EPAS1: variants seen among roughly 807,000 people sequenced by gnomAD.
EPAS1 encodes the protein endothelial PAS domain protein 1, also known as endothelial PAS domain-containing protein 1.
EPAS1 carries 23 observed loss-of-function variants against 87.9 expected under a neutral mutation model. The ratio of observed to expected loss-of-function variants is 0.26; its 90% CI spans 0.19 to 0.37. The LOEUF (loss-of-function observed/expected upper bound fraction) is 0.37, where lower values mean the gene tolerates loss of function less well. Among genes scored for constraint, EPAS1 ranks in the 10% least tolerant of loss-of-function variants. The pLI, the probability that EPAS1 is intolerant of heterozygous loss-of-function variation, is 1.00. For missense variants in EPAS1, 1,138 were observed against 1,120.7 expected (o/e 1.02, Z -0.22); for synonymous variants, 508 against 444.3 (o/e 1.14, Z -1.80).
Position 46,385,808 on chromosome 2 carries a change from C to T in EPAS1, c.*1148C>T, listed in dbSNP as rs1457640855. ...GGTTTTGTTGCTAGCCCTTCAAGTGCACTGAGCTATGTGACTCGGATGGTC... is the reference window on the plus strand; with the variant it reads ...GGTTTTGTTGCTAGCCCTTCAAGTGTACTGAGCTATGTGACTCGGATGGTC... On this transcript the variant is annotated 3_prime_UTR_variant, in exon 16 of 16. Transcript: ENST00000263734. 1 of 152,228 alleles carries T rather than the reference C, an allele frequency of 6.6e-6. No individual in the cohort carries two copies. Among genetic ancestry groups the T allele is most frequent in the Non-Finnish European group, 1.5e-5 (1 of 68,052 alleles). The allele number at this position is 152,228 out of a possible 1,614,324, so 9.4% of individuals were successfully genotyped here.
chr2:46,332,307 TGTGTG>T (rs1558590680), intron 1 of EPAS1, among the ~76,000 whole-genome samples: 75 of 124,492 alleles, frequency 6.0e-4, no homozygotes, highest in African/African-American at 2.5e-3. Context: ...TGTGTGTGTG[TGTGTG>T]TGTGTGTGTG....
Position 46,382,000 on chromosome 2 carries a change from C to T in EPAS1, c.2198C>T (p.Ser733Leu). Reference protein sequence around the residue: ...SGGDPPGGSTSHLMWKRMKNL... With the variant: ...SGGDPPGGSTLHLMWKRMKNL... ...GGGGACCCACCTGGTGGCAGCACCTCACATTTGATGTGGAAACGGATGAAG... is the reference window on the plus strand; with the variant it reads ...GGGGACCCACCTGGTGGCAGCACCTTACATTTGATGTGGAAACGGATGAAG... The change falls in exon 14 of 16, where the codon TCA becomes TTA. Residue 733 changes from serine (S) to leucine (L), a missense_variant. Coordinates refer to ENST00000263734, the MANE Select transcript of EPAS1 (RefSeq NM_001430.5). The T allele has an allele frequency of 6.2e-7, 1 of 1,614,040 alleles. No individual in the cohort carries two copies. The highest frequency in any genetic ancestry group is 8.5e-7 in the Non-Finnish European group (1 of 1,179,962).
chr2:46,372,457 T>C (rs1684646788), intron 7 of EPAS1, among the ~76,000 whole-genome samples: 1 of 152,238 alleles, frequency 6.6e-6, no homozygotes, highest in Non-Finnish European at 1.5e-5. Flanking sequence ...TCTTAGCCTG[T>C]AAAGGTTTAC....
intron 1 of EPAS1, among the ~76,000 whole-genome samples, chr2:46,337,973 T>G (rs1683829859): frequency 6.6e-6 from 1 of 152,196 alleles, no homozygotes. Context: ...GTGTCTCACT[T>G]TGCTGCTTCC....
chr2:46,318,201 C>CACAA (rs1470793564), intron 1 of EPAS1, among the ~76,000 whole-genome samples: 5 of 148,162 alleles, frequency 3.4e-5, no homozygotes, highest in African/African-American at 1.0e-4. Context: ...CACACACAAA[C>CACAA]ACACACACGC....
Position 46,384,771 on chromosome 2 carries a change from A to G in EPAS1, c.*111A>G, listed in dbSNP as rs62137032. The G allele has an allele frequency of 9.9e-3, 14,191 of 1,438,444 alleles. 94 individuals are homozygous for G. The highest frequency in any genetic ancestry group is 0.016 in the Middle Eastern group (70 of 4,346). The allele number at this position is 1,438,444 out of a possible 1,614,324, so 89.1% of individuals were successfully genotyped here. On this transcript the variant is annotated 3_prime_UTR_variant, in exon 16 of 16. Coordinates refer to ENST00000263734, the MANE Select transcript of EPAS1 (RefSeq NM_001430.5). ...CTAACGCCAGCACACTATTTACAAG[A>G]TGGACTTACCTGGCAGACTTGCCCA...
intron 1 of EPAS1, among the ~76,000 whole-genome samples, chr2:46,314,343 A>C (rs548575326): frequency 6.6e-6 from 1 of 152,282 alleles, no homozygotes; most frequent in African/African-American, 2.4e-5. Context: ...CACTCTCTAC[A>C]TGGCTGGCTC....
chr2:46,365,157 C>G (rs898869580), intron 6 of EPAS1, among the ~76,000 whole-genome samples: 4 of 152,074 alleles, frequency 2.6e-5, no homozygotes, highest in African/African-American at 9.7e-5. Flanking sequence ...AATCCCACTG[C>G]GATTTTGTCA....
chr2:46,337,601 T>C (rs939790240), intron 1 of EPAS1, among the ~76,000 whole-genome samples: 3 of 152,090 alleles, frequency 2.0e-5, no homozygotes, highest in Non-Finnish European at 2.9e-5. Context: ...GGCAGTGTTG[T>C]AGGAACAGGA....
At chr2:46,299,229 G>C (rs1012544041) in intron 1 of EPAS1, among the ~76,000 whole-genome samples, 1 of 152,254 alleles carries the variant, frequency 6.6e-6, no homozygotes, top group African/African-American at 2.4e-5. Context: ...GCACCGATAA[G>C]GATTTGATAA....
chr2:46,373,519 G>C (rs529155194), intron 7 of EPAS1, among the ~76,000 whole-genome samples: 4 of 152,298 alleles, frequency 2.6e-5, no homozygotes, highest in Non-Finnish European at 5.9e-5. Context: ...AGAGAAGCCA[G>C]ACACAAGAGT....
At chr2:46,335,514 C>T (rs928837210) in intron 1 of EPAS1, among the ~76,000 whole-genome samples, 19 of 151,760 alleles carry the variant, frequency 1.3e-4, no homozygotes, top group Non-Finnish European at 2.2e-4. Context: ...TCTGTTTTCT[C>T]ATGACACAGT....
At chr2:46,303,638 A>AG (rs779204863) in intron 1 of EPAS1, among the ~76,000 whole-genome samples, 1 of 152,208 alleles carries the variant, frequency 6.6e-6, no homozygotes, top group Non-Finnish European at 1.5e-5. Context: ...TGGGTTTCAG[A>AG]GGCTGGCGTG....
chr2:46,364,231 A>G (rs974102052), intron 6 of EPAS1, among the ~76,000 whole-genome samples: 1 of 152,254 alleles, frequency 6.6e-6, no homozygotes, highest in South Asian at 2.1e-4. Flanking sequence ...CATCTGAGAC[A>G]CACAAGGTGC....
At chr2:46,328,830 C>T (rs1422735606) in intron 1 of EPAS1, among the ~76,000 whole-genome samples, 2 of 152,360 alleles carry the variant, frequency 1.3e-5, no homozygotes, top group East Asian at 3.9e-4. Flanking sequence ...ATGTTCAGAA[C>T]ACAAGTCTGC....
intron 1 of EPAS1, among the ~76,000 whole-genome samples, chr2:46,330,761 A>C (rs755942009): frequency 6.6e-6 from 1 of 152,220 alleles, no homozygotes; most frequent in Non-Finnish European, 1.5e-5. Context: ...GATGGTCCCA[A>C]GCATTGTTCT....
chr2:46,382,468 G>T lies in EPAS1; in HGVS notation c.2331G>T (p.Leu777=). The change falls in exon 15 of 16, where the codon CTG becomes CTT. Residue 777 remains leucine, a synonymous_variant. Coordinates refer to ENST00000263734, the MANE Select transcript of EPAS1 (RefSeq NM_001430.5). Reference sequence around the variant, plus strand: ...CCATGAGGGGCCTGGGCCATCCCCTGAGACATCTGCCGCTGCCACAGCCTC... The same window carrying T: ...CCATGAGGGGCCTGGGCCATCCCCTTAGACATCTGCCGCTGCCACAGCCTC... ...QNPMRGLGHP[L]RHLPLPQPPS... 6.2e-7 allele frequency: 1 copy of T among 1,614,140 alleles called. No individual in the cohort carries two copies. The highest frequency in any genetic ancestry group is 1.1e-5 in the South Asian group (1 of 91,084).
intron 1 of EPAS1, among the ~76,000 whole-genome samples, chr2:46,303,971 C>T (rs1177573802): frequency 2.0e-5 from 3 of 152,146 alleles, no homozygotes; most frequent in Admixed American, 6.5e-5. Flanking sequence ...ACATGTCTGC[C>T]CTCAGTCTTG....
At chr2:46,372,097 T>G (rs905557485) in intron 7 of EPAS1, among the ~76,000 whole-genome samples, 1 of 152,210 alleles carries the variant, frequency 6.6e-6, no homozygotes, top group African/African-American at 2.4e-5. Flanking sequence ...ATCCGTGTAT[T>G]TACTTATTAG....
Sources: gnomAD v4.1 joint callset for allele counts (sites outside exome capture counted in the v4.1 genomes callset) on GRCh38, gnomAD v4.1.1 for gene constraint, MANE v1.5 for transcripts, NCBI Gene and HGNC (gene_info 2026-07-23, HGNC 2026-07-21) for gene names.